The following CABP1 variants were observed in gnomAD, a reference collection of about 807,000 sequenced individuals.
The protein encoded by CABP1 is calcium-binding protein 1.
CABP1 carries 17 observed loss-of-function variants against 34.3 expected under a neutral mutation model. The observed-to-expected ratio is 0.50, with a 90% CI of 0.34 to 0.74. The LOEUF is 0.74. CABP1 is among the 30% of genes least tolerant of loss of function. The probability of loss-of-function intolerance (pLI) is 0.01; values close to 1 mark genes in which losing one functional copy is unlikely to be tolerated. For synonymous variants in CABP1, 198 were observed against 229.2 expected (o/e 0.86, Z 1.23); for missense variants, 373 against 511.1 (o/e 0.73, Z 2.61).
Position 120,640,903 on chromosome 12 carries a change from A to AGGCGGCGGC in CABP1, c.229_237dup (p.Ala77_Ala79dup), listed in dbSNP as rs945763849. ...AGCGAGTCCAAGACGTCGCTGCTGA[A>AGGCGGCGGC]GGCGGCGGCGGCGGCGGCGAGCGGG... On this transcript the variant is annotated inframe_insertion, in exon 1 of 6. Coordinates refer to ENST00000316803, the MANE Select transcript of CABP1 (RefSeq NM_001033677.2). This position sits in a 1 kb window ranked among gnomAD's most constrained non-coding sequence, Gnocchi z 6.2. 1.3e-5 allele frequency: 14 copies of AGGCGGCGGC among 1,097,854 alleles called. No individual in the cohort carries two copies. The African/African-American group carries it at 1.9e-4, about 15-fold the overall frequency. The allele number at this position is 1,097,854 out of a possible 1,614,324, so 68.0% of individuals were successfully genotyped here. A position where few individuals can be genotyped will look rare whatever the true frequency, so the allele number is the denominator to read the frequency against.
At chr12:120,655,769 CT>C (rs1280482400) in intron 1 of CABP1, 5 of 1,484,390 alleles carry the variant, frequency 3.4e-6, no homozygotes, top group African/African-American at 1.4e-5. Flanking sequence ...CCCGCTGCCC[CT>C]GTCTCTTCAT....
chr12:120,654,206 C>T (rs1880021912), intron 1 of CABP1, among the ~76,000 whole-genome samples: 1 of 152,210 alleles, frequency 6.6e-6, no homozygotes, highest in Admixed American at 6.5e-5. Flanking sequence ...TTATTGCACT[C>T]ATCAAACTTG....
chr12:120,655,780 T>A (rs1160931398), intron 1 of CABP1: 2 of 1,492,636 alleles, frequency 1.3e-6, no homozygotes, highest in African/African-American at 1.4e-5. Context: ...TGTCTCTTCA[T>A]GCACTTGGGT....
At chr12:120,676,375 G>A in the CABP1 span, among the ~76,000 whole-genome samples, 1 of 152,098 alleles carries the variant, frequency 6.6e-6, no homozygotes, top group Non-Finnish European at 1.5e-5. Context: ...TCCCCAATGT[G>A]TCTGGATCTA....
chr12:120,676,959 C>T, the CABP1 span, among the ~76,000 whole-genome samples: 1 of 152,076 alleles, frequency 6.6e-6, no homozygotes, highest in African/African-American at 2.4e-5. Context: ...GCTAACAAGC[C>T]GAGTGCAGTG....
intron 1 of CABP1, among the ~76,000 whole-genome samples, chr12:120,643,428 G>T (rs2137326106): frequency 6.6e-6 from 1 of 152,290 alleles, no homozygotes; most frequent in South Asian, 2.1e-4. Flanking sequence ...TAGAGGCAGG[G>T]TCAGAACCAA....
At chr12:120,672,027 C>A (rs1455229136), downstream of CABP1, among the ~76,000 whole-genome samples, 3 of 152,208 alleles carry the variant, frequency 2.0e-5, no homozygotes, top group African/African-American at 7.2e-5. Context: ...ATGATCACGC[C>A]ATTGTATTCC....
chr12:120,643,014 A>G (rs892765481), intron 1 of CABP1, among the ~76,000 whole-genome samples: 6 of 150,208 alleles, frequency 4.0e-5, no homozygotes, highest in African/African-American at 1.5e-4. Flanking sequence ...AAAAAAAAAG[A>G]GTCCTTTCTT....
rs1879336058 is a variant in CABP1 at position 120,641,647 on chromosome 12, G to C, written c.654+308G>C. ...CTCTACGACCGTCCTGGAGATTTGCGGGGGTCAAGGAGGGGCGCTCCGAGC... is the reference window on the plus strand; with the variant it reads ...CTCTACGACCGTCCTGGAGATTTGCCGGGGTCAAGGAGGGGCGCTCCGAGC... On this transcript the variant is annotated intron_variant, in intron 1 of 5. Coordinates refer to ENST00000316803, the MANE Select transcript of CABP1 (RefSeq NM_001033677.2). This position sits in a 1 kb window ranked among gnomAD's most constrained non-coding sequence, Gnocchi z 6.7. The C allele has an allele frequency of 1.1e-5, 3 of 276,004 alleles. No homozygotes were observed. Among genetic ancestry groups the C allele is most frequent in the Non-Finnish European group, 1.3e-5 (2 of 148,278 alleles). The allele number at this position is 276,004 out of a possible 1,614,324, so 17.1% of individuals were successfully genotyped here. A position where few individuals can be genotyped will look rare whatever the true frequency, so the allele number is the denominator to read the frequency against.
intron 1 of CABP1, chr12:120,656,308 G>A (rs1468457153): frequency 2.0e-6 from 3 of 1,489,582 alleles, no homozygotes; most frequent in East Asian, 2.4e-5. Context: ...CGCTGAACTT[G>A]GCTTCACAGG....
At chr12:120,670,470 G>T (rs987454389), downstream of CABP1, among the ~76,000 whole-genome samples, 4 of 152,134 alleles carry the variant, frequency 2.6e-5, no homozygotes, top group Non-Finnish European at 5.9e-5. Flanking sequence ...GTCTAAGGCC[G>T]AGCGAGGTGG....
intron 1 of CABP1, among the ~76,000 whole-genome samples, chr12:120,647,243 C>T (rs1879582083): frequency 6.6e-6 from 1 of 152,072 alleles, no homozygotes; most frequent in South Asian, 2.1e-4. Flanking sequence ...GTGCCAAGCC[C>T]TTTGCATGTA....
At position 120,661,431 on chromosome 12, in the gene CABP1, A is replaced by G. The variant is rs2137364794; in HGVS notation, c.1087+213A>G. 1 of 539,964 alleles carries G rather than the reference A, an allele frequency of 1.9e-6. No homozygotes were observed. The highest frequency in any genetic ancestry group is 2.3e-5 in the South Asian group (1 of 43,550). 33.4% of individuals were successfully genotyped at this position (539,964 alleles called of 1,614,324 possible). A position where few individuals can be genotyped will look rare whatever the true frequency, so the allele number is the denominator to read the frequency against. ...CATGCATCTGTCCATCCATCTATCC[A>G]TCCTCTACCTTTCCATTCATCTGTC... is the stretch of plus-strand genomic sequence containing the variant. On this transcript the variant is annotated intron_variant, in intron 5 of 5. Coordinates refer to ENST00000316803, the MANE Select transcript of CABP1 (RefSeq NM_001033677.2). This position sits in a 1 kb window ranked among gnomAD's most constrained non-coding sequence, Gnocchi z 5.1.
intron 1 of CABP1, among the ~76,000 whole-genome samples, chr12:120,647,188 C>T (rs1349516647): frequency 6.6e-6 from 1 of 152,086 alleles, no homozygotes; most frequent in African/African-American, 2.4e-5. Flanking sequence ...CCTTTAATAC[C>T]AATGCTGGGC....
At chr12:120,664,891 A>AAG (rs952739976) in intron 5 of CABP1, among the ~76,000 whole-genome samples, 2 of 151,214 alleles carry the variant, frequency 1.3e-5, no homozygotes, top group African/African-American at 4.9e-5. Flanking sequence ...AAAAAAAAAA[A>AAG]AGAGAGAGAG....
intron 5 of CABP1, among the ~76,000 whole-genome samples, chr12:120,665,044 C>T (rs1448206674): frequency 1.4e-5 from 2 of 141,926 alleles, no homozygotes; most frequent in African/African-American, 5.3e-5. Context: ...ACTATGGAGA[C>T]AGTAAAAAGA....
intron 1 of CABP1, among the ~76,000 whole-genome samples, chr12:120,645,324 C>T (rs1183277090): frequency 6.6e-6 from 1 of 152,112 alleles, no homozygotes; most frequent in African/African-American, 2.4e-5. Flanking sequence ...TAACATCAGC[C>T]ACAGGTGATA....
At chr12:120,642,604 A>C (rs1879386628) in intron 1 of CABP1, among the ~76,000 whole-genome samples, 1 of 151,922 alleles carries the variant, frequency 6.6e-6, no homozygotes, top group African/African-American at 2.4e-5. Context: ...TCTGGAGTAG[A>C]GATGTGGATG....
At chr12:120,650,265 C>T (rs559511002) in intron 1 of CABP1, 119 of 255,324 alleles carry the variant, frequency 4.7e-4, no homozygotes, top group Non-Finnish European at 7.1e-4. Flanking sequence ...CAGGACTGAG[C>T]GCTAATCTGA....
Sources: gnomAD v4.1 joint callset for allele counts (sites outside exome capture counted in the v4.1 genomes callset) on GRCh38, gnomAD v4.1.1 for gene constraint, Gnocchi (gnomAD v3.1) non-coding constraint, MANE v1.5 for transcripts, NCBI Gene and HGNC (gene_info 2026-07-23, HGNC 2026-07-21) for gene names.